Variants in NBEAL1 observed in about 807,000 individuals in gnomAD.
The protein encoded by NBEAL1 is neurobeachin like 1.
In NBEAL1, 273 loss-of-function variants were observed where a neutral mutation model predicts 351.3. That is an observed-to-expected ratio of 0.78 (90% CI 0.70 to 0.86). The LOEUF (loss-of-function observed/expected upper bound fraction) is 0.86, where lower values mean the gene tolerates loss of function less well. Among genes scored for constraint, NBEAL1 ranks in the 40% least tolerant of loss-of-function variants. The probability of loss-of-function intolerance (pLI) is 0.00; values close to 1 mark genes in which losing one functional copy is unlikely to be tolerated. For missense variants in NBEAL1, 2,961 were observed against 3,201.3 expected (o/e 0.92, Z 1.81); for synonymous variants, 1,050 against 1,086.4 (o/e 0.97, Z 0.66).
At chr2:203,123,362 A>C (rs2062870544) in intron 19 of NBEAL1, among the ~76,000 whole-genome samples, 1 of 141,914 alleles carries the variant, frequency 7.0e-6, no homozygotes, top group African/African-American at 2.6e-5. Context: ...TTTTTGAGGC[A>C]GAGTTTTGCT....
chr2:203,173,611 A>T (rs2064391105), intron 41 of NBEAL1, among the ~76,000 whole-genome samples: 1 of 152,052 alleles, frequency 6.6e-6, no homozygotes, highest in South Asian at 2.1e-4. Flanking sequence ...GACTTGATTT[A>T]CCAGTGGAAC....
chr2:203,108,061 A>G lies in NBEAL1; in HGVS notation c.1822A>G (p.Ile608Val). The G allele has an allele frequency of 1.3e-6, 2 of 1,552,634 alleles. No homozygotes were observed. Residue 608 changes from isoleucine to valine, a missense_variant, in exon 14 of 56, where the codon ATT (isoleucine) becomes GTT (valine). Ile to Val is a conservative substitution (Grantham distance 29). Coordinates refer to ENST00000683969, the MANE Select transcript of NBEAL1 (RefSeq NM_001378026.1). ...YFNLSHSMAG[I>V]SVPPIQKWPG... ...CAATTTGTCACATAGTATGGCAGGA[A>G]TTTCTGTGCCTCCCATACAGAAATG...
At chr2:203,104,438 A>G (rs556307460) in intron 12 of NBEAL1, among the ~76,000 whole-genome samples, 3 of 152,164 alleles carry the variant, frequency 2.0e-5, no homozygotes, top group Non-Finnish European at 4.4e-5. Flanking sequence ...GTGTCACTGC[A>G]TGTGAGATGA....
intron 2 of NBEAL1, among the ~76,000 whole-genome samples, chr2:203,025,327 G>A (rs2060839241): frequency 6.6e-6 from 1 of 152,174 alleles, no homozygotes; most frequent in Non-Finnish European, 1.5e-5. Context: ...AAACAGGAGT[G>A]CAAACTTTAA....
At chr2:203,157,909 C>A in intron 36 of NBEAL1, 84 bp downstream of exon 36, 2 of 1,129,154 alleles carry the variant, frequency 1.8e-6, no homozygotes, top group East Asian at 2.7e-5. Flanking sequence ...ATTCTAACAC[C>A]ATGTATTTCC....
At chr2:203,137,585 A>G (rs980082528) in intron 29 of NBEAL1, among the ~76,000 whole-genome samples, 3 of 152,268 alleles carry the variant, frequency 2.0e-5, no homozygotes, top group African/African-American at 7.2e-5. Context: ...AATTATTGTC[A>G]TAGCTTTTTT....
chr2:203,117,788 C>T (rs2062733899), intron 18 of NBEAL1, among the ~76,000 whole-genome samples: 1 of 151,862 alleles, frequency 6.6e-6, no homozygotes, highest in Non-Finnish European at 1.5e-5. Flanking sequence ...CTTAAGTAGT[C>T]CTCCCACCTT....
chr2:203,195,157 G>A (rs1232694935), intron 47 of NBEAL1, among the ~76,000 whole-genome samples: 1 of 150,762 alleles, frequency 6.6e-6, no homozygotes, highest in Non-Finnish European at 1.5e-5. Flanking sequence ...TCACGCCACT[G>A]CACTCAGAGC....
chr2:203,135,965 T>C lies in NBEAL1; in HGVS notation c.4102T>C (p.Ser1368Pro). ...WSLEDRHSLD[S>P]NTPLFPEDSS... ...TTTGGAGGATAGACACTCTTTAGAC[T>C]CAAACACACCATTATTTCCAGAAGA... The change falls in exon 28 of 56, where the codon TCA becomes CCA. Residue 1368 changes from serine (S) to proline (P), a missense_variant. Coordinates refer to ENST00000683969, the MANE Select transcript of NBEAL1 (RefSeq NM_001378026.1). 6.2e-7 allele frequency: 1 copy of C among 1,614,016 alleles called. No homozygotes were observed. Among genetic ancestry groups the C allele is most frequent in the Non-Finnish European group, 8.5e-7 (1 of 1,179,896 alleles).
intron 4 of NBEAL1, among the ~76,000 whole-genome samples, chr2:203,053,876 T>C (rs770860055): frequency 6.6e-6 from 1 of 152,180 alleles, no homozygotes; most frequent in East Asian, 1.9e-4. Context: ...ATTCTTTTAA[T>C]AGTATTTTGT....
chr2:203,113,006 T>A lies in NBEAL1; in HGVS notation c.2203-9T>A. 2 of 1,429,296 alleles carry A rather than the reference T, an allele frequency of 1.4e-6. No homozygotes were observed. Among genetic ancestry groups the A allele is most frequent in the Non-Finnish European group, 1.8e-6 (2 of 1,087,262 alleles). 88.5% of individuals were successfully genotyped at this position (1,429,296 alleles called of 1,614,324 possible). On this transcript the variant is annotated splice_polypyrimidine_tract_variant and intron_variant, in intron 16 of 55. Coordinates refer to ENST00000683969, the MANE Select transcript of NBEAL1 (RefSeq NM_001378026.1). ...ATTAAAATTGTGTAATTTGTTTGTT[T>A]GTTTTTAGCCCTTTACTTCCTGTTG...
At chr2:203,146,174 A>C (rs1348397518) in intron 33 of NBEAL1, among the ~76,000 whole-genome samples, 1 of 152,112 alleles carries the variant, frequency 6.6e-6, no homozygotes, top group African/African-American at 2.4e-5. Context: ...ACTGACACAA[A>C]TTTCCAAAAC....
chr2:203,059,805 G>T (rs1043875747), intron 6 of NBEAL1, among the ~76,000 whole-genome samples: 2 of 152,178 alleles, frequency 1.3e-5, no homozygotes, highest in Non-Finnish European at 2.9e-5. Flanking sequence ...GACTGATTGA[G>T]CCCAATAGTT....
intron 48 of NBEAL1, 129 bp from the exon 49 acceptor site, chr2:203,199,209 A>G: frequency 1.9e-6 from 1 of 533,760 alleles, no homozygotes; most frequent in Non-Finnish European, 3.4e-6. Context: ...AATGAGTTTC[A>G]GGTTTGAAGT....
intron 51 of NBEAL1, among the ~76,000 whole-genome samples, chr2:203,206,630 G>A (rs570065066): frequency 9.8e-4 from 149 of 151,856 alleles, no homozygotes; most frequent in African/African-American, 3.4e-3. Flanking sequence ...TGTGTTGGCC[G>A]GGCTGGTCTC....
chr2:203,115,283 G>C (rs906747600), intron 17 of NBEAL1, among the ~76,000 whole-genome samples: 1 of 151,778 alleles, frequency 6.6e-6, no homozygotes, highest in African/African-American at 2.4e-5. Flanking sequence ...ACCACGCCCA[G>C]CTAATTTTTT....
At position 203,125,964 on chromosome 2, in the gene NBEAL1, A is replaced by C. The variant is rs2106282769; in HGVS notation, c.2856A>C (p.Ser952=). The stretch of plus-strand genomic sequence containing the variant: ...AATATGTTCCTGATTCTACAGAGTC[A>C]AGACTAGAGAGAAACCTAGTTGCAA... ...LVWTSTKASE[S]RLERNLVATF... The change falls in exon 21 of 56, where the codon TCA becomes TCC. Residue 952 remains serine (S), a synonymous_variant. Coordinates refer to ENST00000683969, the MANE Select transcript of NBEAL1 (RefSeq NM_001378026.1). 6.6e-7 allele frequency: 1 copy of C among 1,524,326 alleles called. No homozygotes were observed. The highest frequency in any genetic ancestry group is 2.5e-5 in the East Asian group (1 of 40,004). The allele number at this position is 1,524,326 out of a possible 1,614,324, so 94.4% of individuals were successfully genotyped here.
chr2:203,086,009 A>G (rs1175282517), intron 10 of NBEAL1: 1 of 152,230 alleles, frequency 6.6e-6, no homozygotes, highest in African/African-American at 2.4e-5. Flanking sequence ...CAGCTACTTG[A>G]TAGCTTTTCC....
At position 203,062,966 on chromosome 2, in the gene NBEAL1, A is replaced by C. The variant is rs1321615705; in HGVS notation, c.516-5427A>C. The stretch of plus-strand genomic sequence containing the variant: ...TATATTTTCTTATTCATTGTGTTTA[A>C]TGCTTACCAAAATAGCGAAAGCAGG... On this transcript the variant is annotated intron_variant, in intron 6 of 55. Transcript: ENST00000683969. The surrounding 1 kb of genome is among the most constrained non-coding windows in gnomAD (Gnocchi z 4.2). Among the ~76,000 whole-genome samples the C allele has an allele frequency of 6.6e-6, 1 of 152,190 alleles. No individual in the cohort carries two copies. Among genetic ancestry groups the C allele is most frequent in the African/African-American group, 2.4e-5 (1 of 41,440 alleles).
Sources: allele counts gnomAD v4.1 joint callset (sites outside exome capture counted in the v4.1 genomes callset), GRCh38; gene constraint gnomAD v4.1.1; non-coding constraint Gnocchi (gnomAD v3.1); transcripts MANE v1.5; gene names NCBI Gene and HGNC (gene_info 2026-07-23, HGNC 2026-07-21).